Variants in SNX18 observed in about 807,000 individuals in gnomAD.
The protein encoded by SNX18 is sorting nexin 18, also known as sorting nexin-18.
SNX18 carries 35 observed loss-of-function variants against 48.7 expected under a neutral mutation model. That is an observed-to-expected ratio of 0.72 (90% CI 0.55 to 0.95). The LOEUF (loss-of-function observed/expected upper bound fraction) is 0.95, where lower values mean the gene tolerates loss of function less well. SNX18 is among the 40% of genes least tolerant of loss of function. The pLI, the probability that SNX18 is intolerant of heterozygous loss-of-function variation, is 0.00. For synonymous variants in SNX18, 492 were observed against 384.7 expected, an observed-to-expected ratio of 1.28 and a Z score of -3.26; for missense variants, 824 against 871.0, an observed-to-expected ratio of 0.95 and a Z score of 0.68.
At chr5:54,525,295 A>G (rs143473997) in intron 1 of SNX18, among the ~76,000 whole-genome samples, 192 of 152,174 alleles carry the variant, frequency 1.3e-3, no homozygotes, top group Middle Eastern at 6.8e-3. Flanking sequence ...AATACCAGCT[A>G]CTTGAGAGGC....
At chr5:54,605,836 C>CT in the SNX18 span, among the ~76,000 whole-genome samples, 1 of 151,814 alleles carries the variant, frequency 6.6e-6, no homozygotes, top group Non-Finnish European at 1.5e-5. Context: ...AATCTAAAAA[C>CT]TTTTTTTTGT....
At chr5:54,612,072 T>C in the SNX18 span, among the ~76,000 whole-genome samples, 1 of 152,046 alleles carries the variant, frequency 6.6e-6, no homozygotes, top group Non-Finnish European at 1.5e-5. Context: ...GTAGAGATGA[T>C]GTCTCACTAT....
chr5:54,591,334 A>G, the SNX18 span, among the ~76,000 whole-genome samples: 2 of 152,046 alleles, frequency 1.3e-5, no homozygotes, highest in Middle Eastern at 3.2e-3. Flanking sequence ...CCTGCTGTAC[A>G]TCTCCTGGCT....
At chr5:54,630,220 G>C in the SNX18 span, among the ~76,000 whole-genome samples, 2 of 152,210 alleles carry the variant, frequency 1.3e-5, no homozygotes, top group African/African-American at 4.8e-5. Context: ...AGGGAAAATT[G>C]ATGGAAGAGT....
At chr5:54,639,959 A>T in the SNX18 span, among the ~76,000 whole-genome samples, 2 of 152,198 alleles carry the variant, frequency 1.3e-5, no homozygotes, top group Non-Finnish European at 2.9e-5. Context: ...CCTGAGGCCA[A>T]TGGAGATGGC....
In SNX18 at chr5:54,521,876, C is replaced by CT. The variant is rs1433815593; in HGVS notation, c.1621+2309dup. Among the ~76,000 whole-genome samples, 3 of 152,178 alleles carry CT rather than the reference C, an allele frequency of 2.0e-5. No homozygotes were observed. The East Asian group carries it at 5.8e-4, about 30-fold the overall frequency. On this transcript the variant is annotated intron_variant, in intron 1 of 1. Transcript: ENST00000381410. ...AACCACCATGCCCGGCCTAGTTTAT[C>CT]TTTTTTAAATTATAGAACTGGATTT...
At position 54,519,239 on chromosome 5, in the gene SNX18, C is replaced by G. The variant is rs1438899018; in HGVS notation, c.1287C>G (p.Asp429Glu). 6.2e-7 allele frequency: 1 copy of G among 1,614,100 alleles called. No individual in the cohort carries two copies. Among genetic ancestry groups the G allele is most frequent in the Admixed American group, 1.7e-5 (1 of 60,024 alleles). ...TGCAGGAGGTGGAGAGCAAGATCGA[C>G]GGCTTCAAGTGCTTCACCAAGAAGA... Reference protein sequence around the residue: ...LDLQEVESKIDGFKCFTKKMD... With the variant: ...LDLQEVESKIEGFKCFTKKMD... The change falls in exon 1 of 2, where the codon GAC becomes GAG. Residue 429 changes from aspartate to glutamate, a missense_variant. This residue lies in a region of SNX18 where 443 missense variants were observed against 503.6 expected (regional missense o/e 0.88). Transcript: ENST00000381410.
chr5:54,588,793 T>C, the SNX18 span, among the ~76,000 whole-genome samples: 5 of 152,182 alleles, frequency 3.3e-5, no homozygotes, highest in Non-Finnish European at 5.9e-5. Flanking sequence ...AAAGGTATGA[T>C]ATCATCAAAG....
the SNX18 span, among the ~76,000 whole-genome samples, chr5:54,571,284 A>G: frequency 2.6e-5 from 4 of 151,944 alleles, no homozygotes; most frequent in East Asian, 7.7e-4. Context: ...GAGGCTGTCC[A>G]CTCTGTAAAT....
At chr5:54,551,155 G>T (rs890222090), downstream of SNX18, among the ~76,000 whole-genome samples, 1 of 152,016 alleles carries the variant, frequency 6.6e-6, no homozygotes, top group African/African-American at 2.4e-5. Context: ...TCGAGACCTG[G>T]AAGTGAATTG....
At chr5:54,628,823 T>C in the SNX18 span, among the ~76,000 whole-genome samples, 26 of 152,358 alleles carry the variant, frequency 1.7e-4, no homozygotes, top group African/African-American at 6.3e-4. Context: ...GCTGCAGCTT[T>C]GGCCTTAGCC....
chr5:54,550,139 C>A (rs1274157248), downstream of SNX18, among the ~76,000 whole-genome samples: 1 of 152,158 alleles, frequency 6.6e-6, no homozygotes, highest in Non-Finnish European at 1.5e-5. Context: ...TGTTTGTGGA[C>A]CCTTGTAAGC....
chr5:54,601,799 C>A, the SNX18 span, among the ~76,000 whole-genome samples: 9 of 152,118 alleles, frequency 5.9e-5, no homozygotes, highest in Non-Finnish European at 1.0e-4. Flanking sequence ...GGGGTTTACG[C>A]TCCTTCTTCC....
chr5:54,558,535 A>T, the SNX18 span, among the ~76,000 whole-genome samples: 1 of 152,206 alleles, frequency 6.6e-6, no homozygotes, highest in South Asian at 2.1e-4. Context: ...TCTGTAAGGG[A>T]TTGGACAAAG....
At chr5:54,633,983 C>A in the SNX18 span, among the ~76,000 whole-genome samples, 1 of 152,216 alleles carries the variant, frequency 6.6e-6, no homozygotes, top group Non-Finnish European at 1.5e-5. Flanking sequence ...TACTTGGAAT[C>A]CTTTCTGCTT....
the SNX18 span, among the ~76,000 whole-genome samples, chr5:54,613,059 A>G: frequency 6.6e-6 from 1 of 152,200 alleles, no homozygotes; most frequent in Non-Finnish European, 1.5e-5. Flanking sequence ...TATTGTGACA[A>G]TGGGTTGTAA....
chr5:54,547,475 T>G (rs1258541979), downstream of SNX18, among the ~76,000 whole-genome samples: 1 of 152,222 alleles, frequency 6.6e-6, no homozygotes, highest in African/African-American at 2.4e-5. Context: ...CAGAAATCCC[T>G]AACATCTTCC....
Position 54,540,369 on chromosome 5 carries a change from C to T in SNX18, c.1622-2810C>T, listed in dbSNP as rs1386838314. Among the ~76,000 whole-genome samples, 8 of 152,192 alleles carry T rather than the reference C, an allele frequency of 5.3e-5. No individual in the cohort carries two copies. The East Asian group carries it at 1.6e-3, about 30-fold the overall frequency. ...TAGCTGAGACTATAGAAATGCACTG[C>T]CATGACTGGCTAATTTTTTGTATTT... On this transcript the variant is annotated intron_variant, in intron 1 of 1. Coordinates refer to ENST00000381410, the MANE Select transcript of SNX18 (RefSeq NM_001102575.2).
chr5:54,544,634 A>ATC lies in SNX18; in HGVS notation c.*1202_*1203insTC, dbSNP rs1230803374. 2.2e-5 allele frequency: 1 copy of ATC among 45,162 alleles called. No individual in the cohort carries two copies. Among genetic ancestry groups the ATC allele is most frequent in the Non-Finnish European group, 5.1e-5 (1 of 19,592 alleles). The allele number at this position is 45,162 out of a possible 1,614,324, so 2.8% of individuals were successfully genotyped here. A position where few individuals can be genotyped will look rare whatever the true frequency, so the allele number is the denominator to read the frequency against. The stretch of plus-strand genomic sequence containing the variant: ...TTTAAAAAAAAAAAAGGTATTGATG[A>ATC]GCCCCCCCCCCCCAGGACATTTAAC... On this transcript the variant is annotated 3_prime_UTR_variant, in exon 2 of 2. Transcript: ENST00000381410.
Sources: gnomAD v4.1 joint callset for allele counts (sites outside exome capture counted in the v4.1 genomes callset) on GRCh38, gnomAD v4.1.1 for gene constraint, gnomAD v4.1.1 regional missense constraint, MANE v1.5 for transcripts, NCBI Gene and HGNC (gene_info 2026-07-23, HGNC 2026-07-21) for gene names.